Variants in ALAD observed in about 807,000 individuals in gnomAD.
ALAD encodes the protein aminolevulinate dehydratase.
Under a neutral mutation model 44.4 loss-of-function variants are expected in ALAD, and 20 were observed. The observed-to-expected ratio is 0.45, with a 90% CI of 0.32 to 0.65. The LOEUF (loss-of-function observed/expected upper bound fraction) is 0.65. ALAD is among the 30% of genes least tolerant of loss of function. The pLI, the probability that ALAD is intolerant of heterozygous loss-of-function variation, is 0.05. For synonymous variants in ALAD, 156 were observed against 167.9 expected (o/e 0.93, Z 0.55); for missense variants, 323 against 445.7 (o/e 0.72, Z 2.48).
intron 1 of ALAD, among the ~76,000 whole-genome samples, chr9:113,397,666 C>T (rs1244379066): frequency 1.4e-5 from 2 of 144,014 alleles, no homozygotes; most frequent in Non-Finnish European, 3.0e-5. Flanking sequence ...GCTCTGTCAC[C>T]CAAGCTGGAG....
chr9:113,389,375 CAG>C (rs1827504168), intron 10 of ALAD, 61 bp downstream of exon 10: 3 of 1,585,390 alleles, frequency 1.9e-6, no homozygotes, highest in South Asian at 1.1e-5. Context: ...TCTGAGATTC[CAG>C]AGTCTGTGGA....
chr9:113,388,348 G>T lies in ALAD; in HGVS notation c.945C>A (p.Ile315=), dbSNP rs750930674. Residue 315 remains isoleucine, a synonymous_variant, in exon 12 of 12, where the codon ATC becomes ATA. Coordinates refer to ENST00000409155, the MANE Select transcript of ALAD (RefSeq NM_000031.6). Reference sequence around the variant, plus strand: ...GCAGCTGCGGTGTGTAGTAGGTGATGATGATGTCAGCACCTGTGTTGGGAG... The same window carrying T: ...GCAGCTGCGGTGTGTAGTAGGTGATTATGATGTCAGCACCTGTGTTGGGAG... ...TAFRRAGADI[I]ITYYTPQLLQ... is the part of the protein sequence containing the mutation. The T allele has an allele frequency of 6.2e-7, 1 of 1,614,106 alleles. No homozygotes were observed. The highest frequency in any genetic ancestry group is 8.5e-7 in the Non-Finnish European group (1 of 1,180,036).
chr9:113,391,457 G>A (rs1052764681), intron 4 of ALAD, 70 bp downstream of exon 4: 2 of 1,394,772 alleles, frequency 1.4e-6, no homozygotes, highest in Non-Finnish European at 2.0e-6. Context: ...ACCCACTTTG[G>A]CCTCCCAAAG....
chr9:113,387,872 T>G lies in ALAD; in HGVS notation c.*428A>C. Reference sequence around the variant, plus strand: ...CCCAGGGATATCGATCTAGGCCTCATTCCCACACCCAGCTCTGCTGCCAGA... The same window carrying G: ...CCCAGGGATATCGATCTAGGCCTCAGTCCCACACCCAGCTCTGCTGCCAGA... On this transcript the variant is annotated 3_prime_UTR_variant, in exon 12 of 12. Transcript: ENST00000409155. The G allele has an allele frequency of 7.0e-6, 2 of 285,852 alleles. No homozygotes were observed. The highest frequency in any genetic ancestry group is 7.3e-5 in the South Asian group (2 of 27,558). 17.7% of individuals were successfully genotyped at this position (285,852 alleles called of 1,614,324 possible).
chr9:113,389,035 G>T lies in ALAD; in HGVS notation c.873C>A (p.Ala291=). 6.2e-7 allele frequency: 1 copy of T among 1,613,868 alleles called. No individual in the cohort carries two copies. The highest frequency in any genetic ancestry group is 8.5e-7 in the Non-Finnish European group (1 of 1,180,034). ...EFAMLWHGAQ[A]GAFDLKAAVL... ...CGGCAGCCTTGAGATCAAATGCCCC[G>T]GCCTGGGCTCCATGCCACAGCATGG... is the stretch of plus-strand genomic sequence containing the variant. The change falls in exon 11 of 12, where the codon GCC becomes GCA. Residue 291 remains alanine (A), a synonymous_variant. Transcript: ENST00000409155.
At position 113,387,879 on chromosome 9, in the gene ALAD, A is replaced by G; in HGVS notation, c.*421T>C. On this transcript the variant is annotated 3_prime_UTR_variant, in exon 12 of 12. Transcript: ENST00000409155. ...ATATCGATCTAGGCCTCATTCCCAC[A>G]CCCAGCTCTGCTGCCAGAAGCGTTC... is the stretch of plus-strand genomic sequence containing the variant. 3.4e-6 allele frequency: 1 copy of G among 295,270 alleles called. No individual in the cohort carries two copies. The highest frequency in any genetic ancestry group is 6.8e-6 in the Non-Finnish European group (1 of 148,008). 18.3% of individuals were successfully genotyped at this position (295,270 alleles called of 1,614,324 possible).
chr9:113,400,391 G>A (rs979416441), intron 1 of ALAD, among the ~76,000 whole-genome samples: 1 of 152,226 alleles, frequency 6.6e-6, no homozygotes, highest in Non-Finnish European at 1.5e-5. Flanking sequence ...TTGGTAGCAG[G>A]ATGGTTAAGT....
intron 10 of ALAD, 143 bp from the exon 11 acceptor site, chr9:113,389,249 A>T: frequency 1.4e-6 from 2 of 1,401,622 alleles, no homozygotes; most frequent in Non-Finnish European, 2.0e-6. Context: ...CCACTCTTGA[A>T]CTGTTAAAGC....
At chr9:113,393,657 CAT>C in intron 1 of ALAD, 23 bp from the exon 2 acceptor site, 1 of 947,202 alleles carries the variant, frequency 1.1e-6, no homozygotes, top group Non-Finnish European at 1.7e-6. Context: ...ATGGGTGGCA[CAT>C]GAGACATGGT....
chr9:113,393,567 G>A lies in ALAD; in HGVS notation c.-8C>T. Reference sequence around the variant, plus strand: ...AACGGACTGGGGCTGCATGGCGTGGGCCAGTGGGCACAGGGGCATCAGTTG... The same window carrying A: ...AACGGACTGGGGCTGCATGGCGTGGACCAGTGGGCACAGGGGCATCAGTTG... On this transcript the variant is annotated 5_prime_UTR_variant, in exon 2 of 12. Transcript: ENST00000409155. 4.3e-6 allele frequency: 7 copies of A among 1,611,080 alleles called. No homozygotes were observed. The highest frequency in any genetic ancestry group is 5.9e-6 in the Non-Finnish European group (7 of 1,178,210).
At chr9:113,388,924 T>C in intron 11 of ALAD, 53 bp downstream of exon 11, 1 of 1,613,216 alleles carries the variant, frequency 6.2e-7, no homozygotes, top group Non-Finnish European at 8.5e-7. Flanking sequence ...CTAGGCAGAG[T>C]GCTTATCAGT....
chr9:113,397,924 CGA>C lies in ALAD; in HGVS notation c.-76+3286_-76+3287del, dbSNP rs201680634. 9.0e-3 allele frequency among the ~76,000 whole-genome samples: 1,365 copies of C among 152,206 alleles called. 29 individuals are homozygous for C. Among genetic ancestry groups the C allele is most frequent in the African/African-American group, 0.032 (1,311 of 41,526 alleles). ...ACAGGCGTGAGCCACCGCACCTGGC[CGA>C]GAGAATATTTTTGCATATTGAGAGA... On this transcript the variant is annotated intron_variant, in intron 1 of 11. Coordinates refer to ENST00000409155, the MANE Select transcript of ALAD (RefSeq NM_000031.6).
intron 2 of ALAD, among the ~76,000 whole-genome samples, chr9:113,392,861 A>G (rs909824087): frequency 8.4e-6 from 1 of 119,376 alleles, no homozygotes; most frequent in African/African-American, 3.4e-5. Flanking sequence ...TCCGTCGCCC[A>G]GGCTGGAGTG....
At chr9:113,390,997 A>G in intron 4 of ALAD, 64 bp from the exon 5 acceptor site, 1 of 1,601,718 alleles carries the variant, frequency 6.2e-7, no homozygotes, top group East Asian at 2.2e-5. Context: ...GCAGGATGAC[A>G]GCCATCACAG....
intron 10 of ALAD, 131 bp from the exon 11 acceptor site, chr9:113,389,237 G>A: frequency 7.0e-7 from 1 of 1,438,450 alleles, no homozygotes; most frequent in Non-Finnish European, 9.5e-7. Flanking sequence ...TGGCAGCCTG[G>A]CCCACTCTTG....
chr9:113,395,389 T>C (rs1827700171), intron 1 of ALAD, among the ~76,000 whole-genome samples: 1 of 152,214 alleles, frequency 6.6e-6, no homozygotes, highest in Non-Finnish European at 1.5e-5. Context: ...ATGTAAGTTA[T>C]CTGTGGACCT....
At position 113,390,845 on chromosome 9, in the gene ALAD, A is replaced by C. The variant is rs1827561100; in HGVS notation, c.350T>G (p.Val117Gly). 6.2e-7 allele frequency: 1 copy of C among 1,613,782 alleles called. No individual in the cohort carries two copies. ...GGGACACAGGCAGACATCACAGGCC[A>C]CCAGGAGGTTGGGGAAGGTCTTCCT... Reference protein sequence around the residue: ...LLRKTFPNLLVACDVCLCPYT... With the variant: ...LLRKTFPNLLGACDVCLCPYT... The change falls in exon 5 of 12, where the codon GTG becomes GGG. Residue 117 changes from valine to glycine, a missense_variant. By Grantham distance (109) the Val-to-Gly change is moderately radical (BLOSUM62 -3). Transcript: ENST00000409155.
In ALAD at chr9:113,390,978, C is replaced by T. The variant is rs767052289; in HGVS notation, c.262-45G>A. 7.4e-6 allele frequency: 12 copies of T among 1,611,794 alleles called. No individual in the cohort carries two copies. The Admixed American group carries it at 1.3e-4, about 18-fold the overall frequency. On this transcript the variant is annotated intron_variant, in intron 4 of 11. Transcript: ENST00000409155. ...AAAGCAGTGTGTCTATTACATGTAG[C>T]TTTGGAAGGCAGGATGACAGCCATC...
At chr9:113,394,795 T>C (rs1284821877) in intron 1 of ALAD, among the ~76,000 whole-genome samples, 2 of 152,246 alleles carry the variant, frequency 1.3e-5, no homozygotes, top group Admixed American at 6.5e-5. Flanking sequence ...CTCACACCTA[T>C]AATCTCAGCA....
Sources: gnomAD v4.1 joint callset for allele counts (sites outside exome capture counted in the v4.1 genomes callset) on GRCh38, gnomAD v4.1.1 for gene constraint, MANE v1.5 for transcripts, NCBI Gene and HGNC (gene_info 2026-07-23, HGNC 2026-07-21) for gene names.